The following C15orf40 variants were observed in gnomAD, a reference collection of about 807,000 sequenced individuals.
The protein encoded by C15orf40 is UPF0235 protein C15orf40.
In C15orf40, 9 loss-of-function variants were observed where a neutral mutation model predicts 13.9. That is an observed-to-expected ratio of 0.65 (90% CI 0.39 to 1.13). C15orf40 has a LOEUF of 1.13. Ranked by LOEUF, C15orf40 falls within the 50% of genes most tolerant of loss-of-function variation. C15orf40 has a pLI of 0.01. For synonymous variants in C15orf40, 95 were observed against 69.2 expected (o/e 1.37, Z -1.85); for missense variants, 225 against 188.5 (o/e 1.19, Z -1.13).
At position 83,005,433 on chromosome 15, in the gene C15orf40, C is replaced by A. The variant is rs150081881; in HGVS notation, c.*164G>T. Reference sequence around the variant, plus strand: ...CTGAGTAACTGGGATTACAGGCATGCGCCATCACATCTGGCTAATTTTGTA... The same window carrying A: ...CTGAGTAACTGGGATTACAGGCATGAGCCATCACATCTGGCTAATTTTGTA... On this transcript the variant is annotated 3_prime_UTR_variant, in exon 4 of 4. Transcript: ENST00000304177. 34 of 657,266 alleles carry A rather than the reference C, an allele frequency of 5.2e-5. No homozygotes were observed. The highest frequency in any genetic ancestry group is 6.5e-5 in the Non-Finnish European group (30 of 458,754). 40.7% of individuals were successfully genotyped at this position (657,266 alleles called of 1,614,324 possible).
At chr15:83,008,230 G>A in intron 3 of C15orf40, 1 of 231,664 alleles carries the variant, frequency 4.3e-6, no homozygotes, top group Non-Finnish European at 8.6e-6. Flanking sequence ...TTTAAAAAGA[G>A]AGAGACCTCC....
rs2031158538 is a variant in C15orf40, at chr15:82,997,542, C to T, written c.*8055G>A. 4.6e-6 allele frequency: 1 copy of T among 219,306 alleles called. No individual in the cohort carries two copies. Among genetic ancestry groups the T allele is most frequent in the Admixed American group, 6.2e-5 (1 of 16,212 alleles). 13.6% of individuals were successfully genotyped at this position (219,306 alleles called of 1,614,324 possible). ...GGGCAAGGTCACAGATCAACAGGAT[C>T]CCAAGGCAGAGGAATTTTTCTTAGT... On this transcript the variant is annotated 3_prime_UTR_variant, in exon 4 of 4. Coordinates refer to ENST00000304177, the MANE Select transcript of C15orf40 (RefSeq NM_144597.3).
At chr15:83,009,066 A>G (rs562079025) in intron 2 of C15orf40, among the ~76,000 whole-genome samples, 27 of 152,294 alleles carry the variant, frequency 1.8e-4, no homozygotes, top group Non-Finnish European at 3.7e-4. Context: ...GCAGCTTACT[A>G]GATTGTACAA....
chr15:82,992,187 C>A (rs756200925), downstream of C15orf40: 1 of 352,400 alleles, frequency 2.8e-6, no homozygotes, highest in Non-Finnish European at 5.6e-6. Flanking sequence ...GCACTGTACT[C>A]CAGTTTGGGC....
At chr15:82,992,898 CT>C (rs759378599), downstream of C15orf40, among the ~76,000 whole-genome samples, 2 of 152,098 alleles carry the variant, frequency 1.3e-5, no homozygotes, top group African/African-American at 2.4e-5. Context: ...ACCCCTGCCC[CT>C]GATCTGCTTA....
chr15:83,005,827 T>C (rs2031648122), intron 3 of C15orf40, 135 bp from the exon 4 acceptor site: 1 of 1,283,310 alleles, frequency 7.8e-7, no homozygotes, highest in African/African-American at 1.5e-5. Flanking sequence ...AAAGACTATC[T>C]CTTAGATTCT....
rs1450302841 is a variant in C15orf40 at position 82,995,533 on chromosome 15, C to G, written c.*10064G>C. On this transcript the variant is annotated 3_prime_UTR_variant, in exon 4 of 4. Coordinates refer to ENST00000304177, the MANE Select transcript of C15orf40 (RefSeq NM_144597.3). ...GGCACGGTGGCTCACGCCTGTAATCCCATCACTTTGGGAGGCCAAGGTGGA... is the reference window on the plus strand; with the variant it reads ...GGCACGGTGGCTCACGCCTGTAATCGCATCACTTTGGGAGGCCAAGGTGGA... 1 of 152,338 alleles carries G rather than the reference C, an allele frequency of 6.6e-6. No homozygotes were observed. The highest frequency in any genetic ancestry group is 1.5e-5 in the Non-Finnish European group (1 of 68,176). 9.4% of individuals were successfully genotyped at this position (152,338 alleles called of 1,614,324 possible).
downstream of C15orf40, among the ~76,000 whole-genome samples, chr15:82,993,216 A>G (rs957016504): frequency 6.6e-6 from 1 of 152,218 alleles, no homozygotes; most frequent in African/African-American, 2.4e-5. Flanking sequence ...AATCAAAGGA[A>G]GAACTTGAGA....
chr15:83,008,675 T>A lies in C15orf40; in HGVS notation c.239A>T (p.Asp80Val), dbSNP rs377371105. The A allele has an allele frequency of 1.2e-5, 20 of 1,601,096 alleles. No homozygotes were observed. Among genetic ancestry groups the A allele is most frequent in the Non-Finnish European group, 1.7e-5 (20 of 1,175,364 alleles). Reference sequence around the variant, plus strand: ...TACATTTACAGCCTCTGCTGTCAAATCTGGAATGAAAATAGTGTGGACTTT... The same window carrying A: ...TACATTTACAGCCTCTGCTGTCAAAACTGGAATGAAAATAGTGTGGACTTT... ...KPGSKQNAVT[D>V]LTAEAVNVAI... is the part of the protein sequence containing the mutation. The change falls in exon 3 of 4, where the codon GAT becomes GTT. Residue 80 changes from aspartate to valine, a missense_variant and splice_region_variant. Physicochemically the swap from Asp to Val is radical, Grantham distance 152 (BLOSUM62 -3). Coordinates refer to ENST00000304177, the MANE Select transcript of C15orf40 (RefSeq NM_144597.3).
At chr15:82,990,462 T>C (rs2030806859), downstream of C15orf40, 1 of 536,730 alleles carries the variant, frequency 1.9e-6, no homozygotes, top group Non-Finnish European at 3.2e-6. Flanking sequence ...TAGAGGTTGA[T>C]ATAATCAGCT....
chr15:83,011,396 C>T, intron 1 of C15orf40, 101 bp downstream of exon 1: 1 of 1,299,978 alleles, frequency 7.7e-7, no homozygotes, highest in Non-Finnish European at 1.0e-6. Context: ...CGGCAAGCCG[C>T]TGGCAGTGCC....
rs1333266540 is a variant in C15orf40, at chr15:83,002,852, A to G, written c.*2745T>C. The G allele has an allele frequency of 2.6e-5, 4 of 152,188 alleles. No homozygotes were observed. The highest frequency in any genetic ancestry group is 4.4e-5 in the Non-Finnish European group (3 of 68,056). 9.4% of individuals were successfully genotyped at this position (152,188 alleles called of 1,614,324 possible). A position where few individuals can be genotyped will look rare whatever the true frequency, so the allele number is the denominator to read the frequency against. Reference sequence around the variant, plus strand: ...GCCTCTGCAGCCCACGCTGGAGCGCAGTTCGCAGTTGTGCGATCTTGGCTC... The same window carrying G: ...GCCTCTGCAGCCCACGCTGGAGCGCGGTTCGCAGTTGTGCGATCTTGGCTC... On this transcript the variant is annotated 3_prime_UTR_variant, in exon 4 of 4. Transcript: ENST00000304177.
chr15:82,989,221 G>A (rs961697298), downstream of C15orf40: 6 of 1,604,796 alleles, frequency 3.7e-6, no homozygotes, highest in Non-Finnish European at 5.1e-6. Flanking sequence ...GCAGATAGTT[G>A]ATCTGGCAGA....
At chr15:83,006,192 C>T (rs1470008529) in intron 3 of C15orf40, 1 of 215,994 alleles carries the variant, frequency 4.6e-6, no homozygotes, top group South Asian at 1.7e-4. Flanking sequence ...GATCGCGCCA[C>T]TGCACTCCAG....
chr15:83,010,434 T>C (rs1330416741), intron 1 of C15orf40, 71 bp from the exon 2 acceptor site: 3 of 1,566,108 alleles, frequency 1.9e-6, no homozygotes, highest in Admixed American at 3.4e-5. Context: ...ATTCTTCCAC[T>C]ACCCCCTTTC....
chr15:83,004,574 T>A lies in C15orf40; in HGVS notation c.*1023A>T, dbSNP rs1474639460. On this transcript the variant is annotated 3_prime_UTR_variant, in exon 4 of 4. Transcript: ENST00000304177. ...TTCTTCTTTTAAGGATCTTTGGAGA[T>A]TCATAAAAACTACTGAATTTGCTGA... 1.1e-6 allele frequency: 1 copy of A among 885,172 alleles called. No homozygotes were observed. The highest frequency in any genetic ancestry group is 5.2e-5 in the South Asian group (1 of 19,370). The allele number at this position is 885,172 out of a possible 1,614,324, so 54.8% of individuals were successfully genotyped here.
chr15:82,992,884 C>A (rs534752078), downstream of C15orf40, among the ~76,000 whole-genome samples: 1 of 152,270 alleles, frequency 6.6e-6, no homozygotes, highest in African/African-American at 2.4e-5. Flanking sequence ...TACTATCAGA[C>A]TGTACCCCTG....
intron 3 of C15orf40, chr15:83,006,593 CT>C (rs1307721740): frequency 7.4e-6 from 3 of 407,062 alleles, no homozygotes; most frequent in African/African-American, 6.5e-5. Context: ...AACCCTGTCT[CT>C]ACTAAAAATT....
chr15:82,999,478 G>A lies in C15orf40; in HGVS notation c.*6119C>T, dbSNP rs1204342606. ...CCCAAAGTGCTGGGATTACAAGCGT[G>A]AGCCAACATGGCCAGCCTTACCTTT... On this transcript the variant is annotated 3_prime_UTR_variant, in exon 4 of 4. Transcript: ENST00000304177. 6.6e-6 allele frequency: 1 copy of A among 152,180 alleles called. No individual in the cohort carries two copies. Among genetic ancestry groups the A allele is most frequent in the East Asian group, 1.9e-4 (1 of 5,188 alleles). The allele number at this position is 152,180 out of a possible 1,614,324, so 9.4% of individuals were successfully genotyped here.
Sources: allele counts gnomAD v4.1 joint callset (sites outside exome capture counted in the v4.1 genomes callset), GRCh38; gene constraint gnomAD v4.1.1; transcripts MANE v1.5; gene names NCBI Gene and HGNC (gene_info 2026-07-23, HGNC 2026-07-21).